FOXO3: variants seen among roughly 807,000 people sequenced by gnomAD.
FOXO3 encodes forkhead box protein O3.
Under a neutral mutation model 41.9 loss-of-function variants are expected in FOXO3, and 4 were observed. That is an observed-to-expected ratio of 0.10 (90% CI 0.05 to 0.22). The LOEUF is 0.22. FOXO3 is among the 10% of genes least tolerant of loss of function. FOXO3 has a pLI of 1.00. For synonymous variants in FOXO3, 318 were observed against 389.3 expected, an observed-to-expected ratio of 0.82 and a Z score of 2.16; for missense variants, 534 against 906.8, an observed-to-expected ratio of 0.59 and a Z score of 5.28.
At position 108,640,815 on chromosome 6, in the gene FOXO3, T is replaced by C. The variant is rs527710584; in HGVS notation, c.622-22640T>C. Among the ~76,000 whole-genome samples, 9 of 152,344 alleles carry C rather than the reference T, an allele frequency of 5.9e-5. No individual in the cohort carries two copies. In the South Asian group the frequency reaches 1.4e-3, roughly 25 times the overall value. On this transcript the variant is annotated intron_variant, in intron 1 of 2. Coordinates refer to ENST00000406360, the MANE Select transcript of FOXO3 (RefSeq NM_001455.4). ...TAAAAAGTTAATGGATCCTATTCAT[T>C]CATAGTTCATTCAACAAATATATAT...
intron 1 of FOXO3, among the ~76,000 whole-genome samples, chr6:108,583,014 C>A (rs1776473610): frequency 6.6e-6 from 1 of 152,094 alleles, no homozygotes; most frequent in African/African-American, 2.4e-5. Context: ...ATCTGACTTA[C>A]CCTTTATTTT....
At chr6:108,589,896 T>G (rs907528023) in intron 1 of FOXO3, among the ~76,000 whole-genome samples, 1 of 152,212 alleles carries the variant, frequency 6.6e-6, no homozygotes, top group Non-Finnish European at 1.5e-5. Flanking sequence ...TCATGAATAA[T>G]CAAAACAAAA....
chr6:108,602,085 C>T (rs994544824), intron 1 of FOXO3, among the ~76,000 whole-genome samples: 3 of 152,104 alleles, frequency 2.0e-5, no homozygotes, highest in Non-Finnish European at 4.4e-5. Flanking sequence ...CTGATTTCTT[C>T]TAAATGGGTT....
At chr6:108,563,339 T>A (rs1388305179) in intron 1 of FOXO3, among the ~76,000 whole-genome samples, 1 of 152,248 alleles carries the variant, frequency 6.6e-6, no homozygotes, top group Non-Finnish European at 1.5e-5. Context: ...ATGCTTACAT[T>A]ATGAGTCTTA....
At chr6:108,652,467 GCTT>G (rs1333603511) in intron 1 of FOXO3, among the ~76,000 whole-genome samples, 1 of 152,202 alleles carries the variant, frequency 6.6e-6, no homozygotes, top group Non-Finnish European at 1.5e-5. Context: ...AGTCTTTAAA[GCTT>G]CTTATTCCTT....
chr6:108,621,535 G>A (rs1777663745), intron 1 of FOXO3, among the ~76,000 whole-genome samples: 1 of 148,088 alleles, frequency 6.8e-6, no homozygotes, highest in Admixed American at 6.6e-5. Flanking sequence ...CTTTCACCAT[G>A]TTAGTGTTTT....
At chr6:108,609,831 G>T (rs999968557) in intron 1 of FOXO3, among the ~76,000 whole-genome samples, 1 of 152,178 alleles carries the variant, frequency 6.6e-6, no homozygotes, top group Non-Finnish European at 1.5e-5. Context: ...CTGCTAACAC[G>T]CCTGGAGGAC....
chr6:108,673,099 A>G (rs1196318128), intron 2 of FOXO3, among the ~76,000 whole-genome samples: 1 of 152,334 alleles, frequency 6.6e-6, no homozygotes, highest in Admixed American at 6.5e-5. Flanking sequence ...GTTATAAGTA[A>G]TCAGAAAGTG....
At chr6:108,655,585 C>T (rs1051753019) in intron 1 of FOXO3, among the ~76,000 whole-genome samples, 1 of 152,204 alleles carries the variant, frequency 6.6e-6, no homozygotes, top group Admixed American at 6.5e-5. Context: ...ATCAAAACCT[C>T]TGAGACTGGG....
rs148333222 is a variant in FOXO3 at position 108,679,442 on chromosome 6, C to T, written c.*35-385C>T. Among the ~76,000 whole-genome samples the T allele has an allele frequency of 5.6e-3, 856 of 152,176 alleles. 3 individuals are homozygous for T. The highest frequency in any genetic ancestry group is 0.014 in the Middle Eastern group (4 of 294). ...CTCCTTGTTTTAGCATGGAAAGTCC[C>T]ATGTCCTAGGAAATCCCTCAGTCCG... On this transcript the variant is annotated intron_variant, in intron 2 of 2. Transcript: ENST00000406360.
At chr6:108,603,665 A>G (rs1225920549) in intron 1 of FOXO3, among the ~76,000 whole-genome samples, 1 of 152,186 alleles carries the variant, frequency 6.6e-6, no homozygotes, top group African/African-American at 2.4e-5. Flanking sequence ...CTTGATATAA[A>G]GAGGATAGGA....
chr6:108,608,809 GA>G (rs1394126828), intron 1 of FOXO3, among the ~76,000 whole-genome samples: 1 of 152,168 alleles, frequency 6.6e-6, no homozygotes, highest in Non-Finnish European at 1.5e-5. Context: ...TATTCTCAGA[GA>G]GAGGGTAGGG....
chr6:108,676,641 CTATT>C (rs1770604911), intron 2 of FOXO3, among the ~76,000 whole-genome samples: 1 of 152,218 alleles, frequency 6.6e-6, no homozygotes, highest in African/African-American at 2.4e-5. Context: ...ATACTTTAAA[CTATT>C]TAAGAATGAC....
At chr6:108,671,833 G>A (rs972165068) in intron 2 of FOXO3, among the ~76,000 whole-genome samples, 2 of 152,288 alleles carry the variant, frequency 1.3e-5, no homozygotes, top group Middle Eastern at 3.4e-3. Flanking sequence ...TAGAAGTTCT[G>A]CCTGCCAGTT....
chr6:108,656,011 C>G (rs959700158), intron 1 of FOXO3, among the ~76,000 whole-genome samples: 4 of 152,010 alleles, frequency 2.6e-5, no homozygotes, highest in Admixed American at 2.6e-4. Flanking sequence ...CCTGAAATTC[C>G]TTGTAAGGAC....
intron 1 of FOXO3, among the ~76,000 whole-genome samples, chr6:108,598,510 CTG>C (rs1376910519): frequency 6.6e-6 from 1 of 152,152 alleles, no homozygotes; most frequent in Non-Finnish European, 1.5e-5. Flanking sequence ...AACCAGCTGT[CTG>C]TGCTGGGCCC....
At chr6:108,656,131 ACCTC>A (rs1158404904) in intron 1 of FOXO3, among the ~76,000 whole-genome samples, 2 of 90,044 alleles carry the variant, frequency 2.2e-5, no homozygotes, top group African/African-American at 4.2e-5. Context: ...ACCCCACCCC[ACCTC>A]AAAAAAAAAA....
At chr6:108,593,544 A>G (rs1041707184) in intron 1 of FOXO3, among the ~76,000 whole-genome samples, 1 of 151,240 alleles carries the variant, frequency 6.6e-6, no homozygotes, top group Non-Finnish European at 1.5e-5. Flanking sequence ...TACCCAGCTC[A>G]TTTTTATATT....
intron 1 of FOXO3, among the ~76,000 whole-genome samples, chr6:108,608,504 C>A (rs968180524): frequency 6.6e-6 from 1 of 152,088 alleles, no homozygotes; most frequent in African/African-American, 2.4e-5. Flanking sequence ...TTAAAAAAAA[C>A]AACTACTCTT....
Sources: gnomAD v4.1 joint callset for allele counts (sites outside exome capture counted in the v4.1 genomes callset) on GRCh38, gnomAD v4.1.1 for gene constraint, MANE v1.5 for transcripts, NCBI Gene and HGNC (gene_info 2026-07-23, HGNC 2026-07-21) for gene names.